Variants in CDH7 observed in about 807,000 individuals in gnomAD.
The protein encoded by CDH7 is cadherin-7.
A neutral mutation model predicts 71.8 loss-of-function variants in CDH7; 25 were observed. The observed-to-expected ratio is 0.35, with a 90% CI of 0.25 to 0.49. The LOEUF (loss-of-function observed/expected upper bound fraction) is 0.49, where lower values mean the gene tolerates loss of function less well. Among genes scored for constraint, CDH7 ranks in the 20% least tolerant of loss-of-function variants. CDH7 has a pLI of 0.99. For synonymous variants in CDH7, 381 were observed against 363.8 expected (o/e 1.05, Z -0.54); for missense variants, 862 against 974.6 (o/e 0.88, Z 1.54).
chr18:65,771,876 T>A (rs1435614142), intron 2 of CDH7, among the ~76,000 whole-genome samples: 2 of 152,132 alleles, frequency 1.3e-5, no homozygotes, highest in Admixed American at 6.6e-5. Context: ...CCATCTCCAT[T>A]TCTAGTTAGG....
At chr18:65,859,518 A>G (rs1366728828) in intron 9 of CDH7, among the ~76,000 whole-genome samples, 190 bp from the exon 10 acceptor site, 2 of 152,240 alleles carry the variant, frequency 1.3e-5, no homozygotes, top group African/African-American at 4.8e-5. Context: ...ACATGAACTA[A>G]GAAAATGACA....
intron 2 of CDH7, among the ~76,000 whole-genome samples, chr18:65,808,359 TAA>T (rs1451617155): frequency 6.6e-6 from 1 of 152,172 alleles, no homozygotes; most frequent in Admixed American, 6.6e-5. Flanking sequence ...AAAAATGACT[TAA>T]GACAGTTAAA....
At chr18:65,876,205 C>T (rs1914067890) in intron 11 of CDH7, among the ~76,000 whole-genome samples, 1 of 152,072 alleles carries the variant, frequency 6.6e-6, no homozygotes, top group East Asian at 1.9e-4. Flanking sequence ...TTGCCAATAT[C>T]CAGCACTATT....
intron 10 of CDH7, 106 bp from the exon 11 acceptor site, chr18:65,862,560 A>G: frequency 1.8e-6 from 2 of 1,128,760 alleles, no homozygotes; most frequent in Admixed American, 4.5e-5. Context: ...AACTCCAGAG[A>G]TTTCCCTAAT....
At chr18:65,830,089 G>A (rs1912283405) in intron 6 of CDH7, among the ~76,000 whole-genome samples, 1 of 152,058 alleles carries the variant, frequency 6.6e-6, no homozygotes, top group African/African-American at 2.4e-5. Flanking sequence ...GTGGCACAGA[G>A]GTAATCACCT....
intron 2 of CDH7, among the ~76,000 whole-genome samples, chr18:65,781,972 C>T (rs1321255028): frequency 3.2e-5 from 2 of 62,452 alleles, no homozygotes; most frequent in African/African-American, 2.5e-4. Flanking sequence ...TTCTCTCTCT[C>T]TCTCTCTCTC....
intron 1 of CDH7, among the ~76,000 whole-genome samples, chr18:65,762,301 AT>A (rs199897582): frequency 1.1e-3 from 175 of 152,324 alleles, no homozygotes; most frequent in African/African-American, 4.1e-3. Context: ...AAGAAAAAAA[AT>A]AAAGGCTAAC....
intron 2 of CDH7, among the ~76,000 whole-genome samples, chr18:65,766,066 C>T (rs112312208): frequency 0.014 from 2,116 of 151,958 alleles, 66 homozygotes; most frequent in African/African-American, 0.048. Flanking sequence ...AGATGAAAGC[C>T]GGTATTATTT....
intron 11 of CDH7, chr18:65,866,319 A>AAAAAAC (rs1913755206): frequency 1.5e-5 from 2 of 131,052 alleles, no homozygotes; most frequent in Non-Finnish European, 3.3e-5. Flanking sequence ...AAAAAACAAA[A>AAAAAAC]AAAAAAAAAA....
intron 2 of CDH7, among the ~76,000 whole-genome samples, chr18:65,772,015 A>T (rs1916559452): frequency 1.3e-5 from 2 of 152,206 alleles, no homozygotes; most frequent in South Asian, 4.1e-4. Flanking sequence ...TTGTGTGTGT[A>T]AACAGTGCAG....
In CDH7 at chr18:65,888,609, A is replaced by G. The variant is rs947902324; in HGVS notation, c.*7715A>G. On this transcript the variant is annotated 3_prime_UTR_variant, in exon 12 of 12. Coordinates refer to ENST00000397968, the MANE Select transcript of CDH7 (RefSeq NM_004361.5). ...CAATAAAGTTTTTCCACAGATATGT[A>G]ATTTTAAGTTAGATAACATTCTAAC... 2.6e-5 allele frequency: 4 copies of G among 152,200 alleles called. No individual in the cohort carries two copies. The highest frequency in any genetic ancestry group is 5.9e-5 in the Non-Finnish European group (4 of 68,046). The allele number at this position is 152,200 out of a possible 1,614,324, so 9.4% of individuals were successfully genotyped here.
rs1333760401 is a variant in CDH7, at chr18:65,809,976, A to G, written c.483A>G (p.Gly161=). 2 of 1,611,262 alleles carry G rather than the reference A, an allele frequency of 1.2e-6. No individual in the cohort carries two copies. The highest frequency in any genetic ancestry group is 1.1e-5 in the South Asian group (1 of 91,044). The change falls in exon 3 of 12, where the codon GGA becomes GGG. Residue 161 remains glycine (G), a synonymous_variant. Transcript: ENST00000397968. ...PKFLDGPYTA[G]VPEMSPVGTS... The stretch of plus-strand genomic sequence containing the variant: ...TTTTGGATGGCCCATACACGGCAGG[A>G]GTTCCCGAAATGTCTCCCGTGGGTA...
Position 65,884,688 on chromosome 18 carries a change from T to G in CDH7, c.*3794T>G, listed in dbSNP as rs943632042. ...TGTTGTTAGCATTTATATTGAAATATAAAATCTAAAGCAGCTTAAAATAAG... is the reference window on the plus strand; with the variant it reads ...TGTTGTTAGCATTTATATTGAAATAGAAAATCTAAAGCAGCTTAAAATAAG... On this transcript the variant is annotated 3_prime_UTR_variant, in exon 12 of 12. Transcript: ENST00000397968. 6.6e-6 allele frequency: 1 copy of G among 152,142 alleles called. No individual in the cohort carries two copies. The highest frequency in any genetic ancestry group is 2.4e-5 in the African/African-American group (1 of 41,442). The allele number at this position is 152,142 out of a possible 1,614,324, so 9.4% of individuals were successfully genotyped here.
chr18:65,858,454 CAT>C (rs1382501853), intron 8 of CDH7, among the ~76,000 whole-genome samples: 1 of 151,848 alleles, frequency 6.6e-6, no homozygotes, highest in African/African-American at 2.4e-5. Context: ...ATTTATAATA[CAT>C]GTGTTGATAA....
Position 65,880,660 on chromosome 18 carries a change from G to C in CDH7, c.2124G>C (p.Arg708Ser). The change falls in exon 12 of 12, where the codon AGG becomes AGC. Residue 708 changes from arginine (R) to serine (S), a missense_variant. Coordinates refer to ENST00000397968, the MANE Select transcript of CDH7 (RefSeq NM_004361.5). ...FKSIPDNVIF[R>S]EFIWERLKEA... ...GCATCCCAGATAATGTCATCTTTAG[G>C]GAATTTATTTGGGAAAGATTAAAAG... 2 of 1,613,820 alleles carry C rather than the reference G, an allele frequency of 1.2e-6. No individual in the cohort carries two copies. The highest frequency in any genetic ancestry group is 1.7e-6 in the Non-Finnish European group (2 of 1,179,984).
At position 65,888,382 on chromosome 18, in the gene CDH7, T is replaced by G. The variant is rs1914428074; in HGVS notation, c.*7488T>G. On this transcript the variant is annotated 3_prime_UTR_variant, in exon 12 of 12. Transcript: ENST00000397968. ...ACAGAGTAAGATACATAGAAGAAAA[T>G]AATTTCCGCAATTCTTGGTACCTCA... is the stretch of plus-strand genomic sequence containing the variant. The G allele has an allele frequency of 6.6e-6, 1 of 151,952 alleles. No homozygotes were observed. Among genetic ancestry groups the G allele is most frequent in the African/African-American group, 2.4e-5 (1 of 41,368 alleles). The allele number at this position is 151,952 out of a possible 1,614,324, so 9.4% of individuals were successfully genotyped here.
chr18:65,864,531 A>C (rs1056374239), intron 11 of CDH7, among the ~76,000 whole-genome samples: 1 of 151,884 alleles, frequency 6.6e-6, no homozygotes, highest in South Asian at 2.1e-4. Flanking sequence ...AAACTTAATA[A>C]AAAAGATGTA....
At position 65,880,847 on chromosome 18, in the gene CDH7, C is replaced by T. The variant is rs1454134664; in HGVS notation, c.2311C>T (p.Arg771Ter). The change falls in exon 12 of 12, where the codon CGA (arginine) becomes TGA (stop). Residue 771 changes from arginine (R) to a stop codon, truncating the protein, a stop_gained. Transcript: ENST00000397968. LOFTEE classifies it high-confidence loss of function. Reference protein sequence around the residue: ...YLSDWGPRFKRLADMYGTGQE... With the variant: ...YLSDWGPRFK ...AAGTGACTGGGGACCTCGCTTTAAA[C>T]GACTCGCGGACATGTATGGGACTGG... is the stretch of plus-strand genomic sequence containing the variant. 2.5e-6 allele frequency: 4 copies of T among 1,613,918 alleles called. No homozygotes were observed. The highest frequency in any genetic ancestry group is 2.7e-5 in the African/African-American group (2 of 74,886).
intron 11 of CDH7, chr18:65,863,905 G>A (rs530640436): frequency 1.3e-5 from 2 of 152,108 alleles, no homozygotes; most frequent in African/African-American, 2.4e-5. Flanking sequence ...ATTGTAACTT[G>A]TAACACGAAC....
Sources: gnomAD v4.1 joint callset for allele counts (sites outside exome capture counted in the v4.1 genomes callset) on GRCh38, gnomAD v4.1.1 for gene constraint, MANE v1.5 for transcripts, NCBI Gene and HGNC (gene_info 2026-07-23, HGNC 2026-07-21) for gene names.